EDIL3: variants seen among roughly 807,000 people sequenced by gnomAD.
EDIL3 encodes EGF like and discoidin domains 3.
In EDIL3, 37 loss-of-function variants were observed where a neutral mutation model predicts 67.4. That is an observed-to-expected ratio of 0.55 (90% CI 0.42 to 0.72). The LOEUF is 0.72. Ranked by LOEUF, EDIL3 falls within the 30% of genes least tolerant of loss-of-function variation. The pLI is 0.00. For missense variants in EDIL3, 527 were observed against 586.3 expected (o/e 0.90, Z 1.04); for synonymous variants, 195 against 196.3 (o/e 0.99, Z 0.05).
In EDIL3 at chr5:84,287,865, T is replaced by G. The variant is rs138587973; in HGVS notation, c.68-33653A>C. 4.5e-3 allele frequency among the ~76,000 whole-genome samples: 681 copies of G among 152,228 alleles called. 7 individuals carry two copies. Among genetic ancestry groups the G allele is most frequent in the Non-Finnish European group, 4.2e-3 (284 of 68,008 alleles). ...GGCTCTTCCTCTTCCTCTCTAACTC[T>G]TAATTTTAGAGTGCTCCAGGGCTCA... On this transcript the variant is annotated intron_variant, in intron 1 of 10. Transcript: ENST00000296591.
At chr5:84,019,687 A>G (rs946988087) in intron 9 of EDIL3, among the ~76,000 whole-genome samples, 2 of 152,150 alleles carry the variant, frequency 1.3e-5, no homozygotes, top group Admixed American at 1.3e-4. Flanking sequence ...TTAAAAATGT[A>G]AAAGAGGGAA....
intron 4 of EDIL3, among the ~76,000 whole-genome samples, chr5:84,164,540 C>A (rs73769756): frequency 6.6e-6 from 1 of 151,932 alleles, no homozygotes; most frequent in Admixed American, 6.6e-5. Flanking sequence ...ATAACCCCAA[C>A]TGGTCAAGTT....
intron 9 of EDIL3, among the ~76,000 whole-genome samples, chr5:84,019,211 A>T (rs939598982): frequency 5.4e-4 from 83 of 152,314 alleles, no homozygotes; most frequent in African/African-American, 1.9e-3. Flanking sequence ...AATACTATGC[A>T]GCCATAAAAA....
intron 1 of EDIL3, among the ~76,000 whole-genome samples, chr5:84,372,212 G>C (rs72766420): frequency 6.6e-6 from 1 of 152,012 alleles, no homozygotes; most frequent in Non-Finnish European, 1.5e-5. Context: ...AATGATGAAA[G>C]GAATGGCTTA....
intron 1 of EDIL3, among the ~76,000 whole-genome samples, chr5:84,278,442 C>T (rs1745630705): frequency 6.6e-6 from 1 of 152,162 alleles, no homozygotes; most frequent in Non-Finnish European, 1.5e-5. Flanking sequence ...TAAATACTTC[C>T]TCAAACTACC....
intron 1 of EDIL3, among the ~76,000 whole-genome samples, chr5:84,330,456 G>A (rs1264749818): frequency 6.6e-6 from 1 of 152,150 alleles, no homozygotes; most frequent in African/African-American, 2.4e-5. Context: ...AGTTGGTAAT[G>A]TCCATTCCCA....
chr5:83,993,918 A>G (rs1410877236), intron 9 of EDIL3, among the ~76,000 whole-genome samples: 1 of 152,150 alleles, frequency 6.6e-6, no homozygotes, highest in Non-Finnish European at 1.5e-5. Context: ...GAAACAACCA[A>G]TTTAAAATAT....
At chr5:84,254,006 T>A in intron 2 of EDIL3, 78 bp downstream of exon 2, 6 of 1,455,220 alleles carry the variant, frequency 4.1e-6, no homozygotes, top group Non-Finnish European at 5.5e-6. Context: ...CTAATCTCCA[T>A]AATGCACCAC....
At position 84,254,163 on chromosome 5, in the gene EDIL3, T is replaced by C. The variant is rs747610445; in HGVS notation, c.117A>G (p.Pro39=). 5 of 1,612,758 alleles carry C rather than the reference T, an allele frequency of 3.1e-6. No homozygotes were observed. The highest frequency in any genetic ancestry group is 2.2e-5 in the South Asian group (2 of 90,782). The part of the protein sequence containing the change: ...NPCENGGICL[P]GLADGSFSCE... Reference sequence around the variant, plus strand: ...AGGAAAAGGAACCATCAGCCAATCCTGGCAAACAGATACCTCCATTTTCAC... The same window carrying C: ...AGGAAAAGGAACCATCAGCCAATCCCGGCAAACAGATACCTCCATTTTCAC... The change falls in exon 2 of 11, where the codon CCA becomes CCG. Residue 39 remains proline (P), a synonymous_variant. Coordinates refer to ENST00000296591, the MANE Select transcript of EDIL3 (RefSeq NM_005711.5).
intron 1 of EDIL3, among the ~76,000 whole-genome samples, chr5:84,331,824 A>G (rs978554821): frequency 6.6e-6 from 1 of 152,214 alleles, no homozygotes; most frequent in Non-Finnish European, 1.5e-5. Flanking sequence ...CTTCATGTAC[A>G]TATTCAGAAC....
intron 1 of EDIL3, among the ~76,000 whole-genome samples, chr5:84,286,191 G>A (rs1167973927): frequency 6.6e-6 from 1 of 152,088 alleles, no homozygotes; most frequent in Non-Finnish European, 1.5e-5. Flanking sequence ...TGCAGTTAAG[G>A]ATTTTTTAAA....
At chr5:84,040,233 A>G (rs1311846773) in intron 9 of EDIL3, among the ~76,000 whole-genome samples, 1 of 152,200 alleles carries the variant, frequency 6.6e-6, no homozygotes, top group Non-Finnish European at 1.5e-5. Context: ...AATTGCACAT[A>G]GATTGATAAC....
intron 3 of EDIL3, among the ~76,000 whole-genome samples, chr5:84,200,735 A>G (rs865911002): frequency 6.6e-6 from 1 of 152,096 alleles, no homozygotes; most frequent in Non-Finnish European, 1.5e-5. Flanking sequence ...AATTTGGCCA[A>G]TGTTAGTAAC....
At chr5:84,342,339 C>T (rs10059707) in intron 1 of EDIL3, among the ~76,000 whole-genome samples, 67,821 of 151,764 alleles carry the variant, frequency 0.45, 15,332 homozygotes, top group Middle Eastern at 0.5. Context: ...GCAAAAGTAA[C>T]TGCAGTTTTT....
At chr5:83,996,344 CTCTT>C (rs1561397479) in intron 9 of EDIL3, among the ~76,000 whole-genome samples, 1 of 152,182 alleles carries the variant, frequency 6.6e-6, no homozygotes, top group Admixed American at 6.6e-5. Flanking sequence ...AAGTACCCCT[CTCTT>C]TATCCCAATA....
intron 5 of EDIL3, among the ~76,000 whole-genome samples, chr5:84,123,322 A>G (rs1406056954): frequency 6.6e-6 from 1 of 152,016 alleles, no homozygotes; most frequent in Non-Finnish European, 1.5e-5. Context: ...TCCCAACCAC[A>G]GATCATTTTT....
chr5:84,016,188 T>C (rs1440850796), intron 9 of EDIL3, among the ~76,000 whole-genome samples: 1 of 152,190 alleles, frequency 6.6e-6, no homozygotes, highest in South Asian at 2.1e-4. Context: ...CTTTGTCATG[T>C]TGTAAATCTG....
At chr5:84,175,486 T>A (rs1748886959) in intron 4 of EDIL3, among the ~76,000 whole-genome samples, 1 of 152,322 alleles carries the variant, frequency 6.6e-6, no homozygotes, top group Admixed American at 6.5e-5. Context: ...CTGAAACGCC[T>A]CATCTGATCT....
At chr5:84,084,094 C>A (rs1358231582) in intron 6 of EDIL3, among the ~76,000 whole-genome samples, 1 of 151,820 alleles carries the variant, frequency 6.6e-6, no homozygotes, top group Non-Finnish European at 1.5e-5. Flanking sequence ...TATATGTTTT[C>A]AAAAAATAAA....
Sources: allele counts gnomAD v4.1 joint callset (sites outside exome capture counted in the v4.1 genomes callset), GRCh38; gene constraint gnomAD v4.1.1; transcripts MANE v1.5; gene names NCBI Gene and HGNC (gene_info 2026-07-23, HGNC 2026-07-21).